The following SPAG16 variants were observed in gnomAD, a reference collection of about 807,000 sequenced individuals.
The protein encoded by SPAG16 is sperm-associated antigen 16 protein.
In SPAG16, 86 loss-of-function variants were observed where a neutral mutation model predicts 80.4. The observed-to-expected ratio is 1.07, with a 90% confidence interval of 0.90 to 1.28. The LOEUF is 1.28. SPAG16 is among the 50% of genes most tolerant of loss of function. The pLI is 0.00. For synonymous variants in SPAG16, 294 were observed against 265.9 expected, an observed-to-expected ratio of 1.11 and a Z score of -1.03; for missense variants, 870 against 765.3, an observed-to-expected ratio of 1.14 and a Z score of -1.61.
At chr2:213,696,006 G>A (rs542702326) in intron 10 of SPAG16, among the ~76,000 whole-genome samples, 2 of 152,294 alleles carry the variant, frequency 1.3e-5, no homozygotes, top group South Asian at 4.1e-4. Context: ...AGTAATGTAG[G>A]TGAGAGATAA....
At chr2:214,353,910 C>A (rs1471240691) in intron 15 of SPAG16, among the ~76,000 whole-genome samples, 3 of 152,078 alleles carry the variant, frequency 2.0e-5, no homozygotes, top group Non-Finnish European at 4.4e-5. Flanking sequence ...AAATATACAT[C>A]TGAAAATATA....
chr2:213,390,109 T>C (rs970693503), intron 9 of SPAG16, among the ~76,000 whole-genome samples: 1 of 152,166 alleles, frequency 6.6e-6, no homozygotes, highest in African/African-American at 2.4e-5. Context: ...GAGGACATTA[T>C]GCTAAGTGAA....
chr2:213,972,310 A>G (rs1025874635), intron 12 of SPAG16, among the ~76,000 whole-genome samples: 2 of 151,492 alleles, frequency 1.3e-5, no homozygotes, highest in Non-Finnish European at 2.9e-5. Flanking sequence ...ATAAATCTAT[A>G]AAAAGAGATT....
chr2:213,476,589 G>C (rs1559171645), intron 9 of SPAG16, among the ~76,000 whole-genome samples: 1 of 152,186 alleles, frequency 6.6e-6, no homozygotes, highest in Non-Finnish European at 1.5e-5. Flanking sequence ...AAAGTAAAGA[G>C]TCATAGGTCC....
intron 5 of SPAG16, among the ~76,000 whole-genome samples, chr2:213,321,554 T>C (rs1180811070): frequency 1.3e-5 from 2 of 152,122 alleles, no homozygotes; most frequent in Admixed American, 1.3e-4. Flanking sequence ...ATCATTAATA[T>C]TTTTTAAATT....
At chr2:213,861,533 T>C (rs1225384404) in intron 10 of SPAG16, among the ~76,000 whole-genome samples, 3 of 152,212 alleles carry the variant, frequency 2.0e-5, no homozygotes, top group Non-Finnish European at 2.9e-5. Flanking sequence ...AAATGTATTA[T>C]TGTCTTTGAA....
chr2:213,622,830 T>C (rs1339510999), intron 10 of SPAG16, among the ~76,000 whole-genome samples: 1 of 134,826 alleles, frequency 7.4e-6, no homozygotes, highest in Non-Finnish European at 1.6e-5. Flanking sequence ...GTTTTGTGTG[T>C]GTGTCTGTGT....
intron 10 of SPAG16, among the ~76,000 whole-genome samples, chr2:213,540,392 C>G (rs1468126413): frequency 3.3e-5 from 5 of 152,022 alleles, no homozygotes; most frequent in Non-Finnish European, 7.4e-5. Context: ...TTATATTACA[C>G]AAAGTCTGAA....
At chr2:213,817,443 T>C (rs1300461588) in intron 10 of SPAG16, among the ~76,000 whole-genome samples, 7 of 151,764 alleles carry the variant, frequency 4.6e-5, no homozygotes, top group Admixed American at 2.6e-4. Context: ...CTCAAATAAT[T>C]TCAAACTACC....
At chr2:214,144,791 C>A (rs563199048) in intron 14 of SPAG16, among the ~76,000 whole-genome samples, 11 of 152,048 alleles carry the variant, frequency 7.2e-5, no homozygotes, top group South Asian at 6.2e-4. Context: ...ATATAACATA[C>A]GTGTATATGA....
intron 15 of SPAG16, chr2:214,238,000 T>C (rs1689193038): frequency 7.5e-5 from 20 of 265,972 alleles, no homozygotes; most frequent in South Asian, 7.2e-4. Flanking sequence ...TATCTAATTC[T>C]AAAACAAACA....
chr2:213,639,236 A>G (rs895122747), intron 10 of SPAG16, among the ~76,000 whole-genome samples: 2 of 152,198 alleles, frequency 1.3e-5, no homozygotes, highest in Non-Finnish European at 2.9e-5. Flanking sequence ...GACCATTTAC[A>G]TTCAAAGTTA....
At chr2:213,436,095 T>C (rs149468013) in intron 9 of SPAG16, among the ~76,000 whole-genome samples, 123 of 152,346 alleles carry the variant, frequency 8.1e-4, no homozygotes, top group African/African-American at 2.7e-3. Flanking sequence ...CAAAAGTACA[T>C]TGGGCTTGCA....
At chr2:213,358,571 A>G (rs915742515) in intron 7 of SPAG16, among the ~76,000 whole-genome samples, 2 of 152,156 alleles carry the variant, frequency 1.3e-5, no homozygotes, top group African/African-American at 4.8e-5. Flanking sequence ...TTGTGCATGC[A>G]TCACAACGTT....
chr2:213,362,332 C>T (rs1353275020), intron 7 of SPAG16, among the ~76,000 whole-genome samples: 3 of 152,020 alleles, frequency 2.0e-5, no homozygotes, highest in African/African-American at 7.3e-5. Context: ...GACAAATCTC[C>T]CATACAGAAG....
intron 15 of SPAG16, among the ~76,000 whole-genome samples, chr2:214,406,976 CA>C (rs1031561472): frequency 2.0e-5 from 3 of 151,956 alleles, no homozygotes; most frequent in Non-Finnish European, 4.4e-5. Context: ...ATAGCAGTTA[CA>C]AAATTAAATC....
chr2:213,958,819 G>C (rs1341271627), intron 12 of SPAG16, among the ~76,000 whole-genome samples: 2 of 151,834 alleles, frequency 1.3e-5, no homozygotes, highest in Admixed American at 1.3e-4. Context: ...ATTAGCTTTT[G>C]TAATTGCCCA....
intron 10 of SPAG16, among the ~76,000 whole-genome samples, chr2:213,759,957 C>T (rs2068562715): frequency 1.3e-5 from 2 of 152,012 alleles, no homozygotes; most frequent in Non-Finnish European, 1.5e-5. Flanking sequence ...ATCACTTGAA[C>T]CCAGGAGGCG....
chr2:213,348,847 T>A (rs1229752529), intron 6 of SPAG16, among the ~76,000 whole-genome samples: 1 of 152,164 alleles, frequency 6.6e-6, no homozygotes, highest in Non-Finnish European at 1.5e-5. Context: ...AATCTGACAA[T>A]TATGTGTCCT....
Sources: allele counts gnomAD v4.1 joint callset (sites outside exome capture counted in the v4.1 genomes callset), GRCh38; gene constraint gnomAD v4.1.1; transcripts MANE v1.5; gene names NCBI Gene and HGNC (gene_info 2026-07-23, HGNC 2026-07-21).